The following ITGB5 variants were observed in gnomAD, a reference collection of about 807,000 sequenced individuals.
ITGB5 encodes the protein integrin subunit beta 5.
In ITGB5, 38 loss-of-function variants were observed where a neutral mutation model predicts 84.8. The observed-to-expected ratio is 0.45, with a 90% CI of 0.35 to 0.59. The LOEUF is 0.59. ITGB5 is among the 20% of genes least tolerant of loss of function. The pLI is 0.01. For missense variants in ITGB5, 905 were observed against 1,034.5 expected (o/e 0.87, Z 1.72); for synonymous variants, 393 against 414.4 (o/e 0.95, Z 0.63).
At chr3:124,805,081 C>T (rs1334970554) in intron 9 of ITGB5, among the ~76,000 whole-genome samples, 5 of 147,088 alleles carry the variant, frequency 3.4e-5, no homozygotes, top group East Asian at 2.1e-4. Context: ...CCTTCCTTTC[C>T]GTTTCTTTCT....
chr3:124,837,423 C>G (rs1012054011), intron 5 of ITGB5, among the ~76,000 whole-genome samples: 3 of 152,218 alleles, frequency 2.0e-5, no homozygotes. Flanking sequence ...GTGGCATTCT[C>G]CAACTCCAAC....
intron 2 of ITGB5, among the ~76,000 whole-genome samples, chr3:124,861,495 T>TATATACACAC (rs750712591): frequency 1.3e-3 from 147 of 112,006 alleles, no homozygotes; most frequent in African/African-American, 5.1e-3. Flanking sequence ...TATATATATA[T>TATATACACAC]ACACACACAC....
intron 10 of ITGB5, among the ~76,000 whole-genome samples, chr3:124,775,657 A>T (rs959540682): frequency 1.3e-5 from 2 of 152,218 alleles, no homozygotes; most frequent in Non-Finnish European, 2.9e-5. Flanking sequence ...CCACTCATCA[A>T]CTAGTGGGTG....
upstream of ITGB5, chr3:124,887,686 C>T: frequency 4.4e-6 from 2 of 451,990 alleles, no homozygotes; most frequent in African/African-American, 2.0e-5. Flanking sequence ...GCGGGGCACG[C>T]TGTATTAGGC....
intron 9 of ITGB5, among the ~76,000 whole-genome samples, chr3:124,798,183 G>T (rs1315310625): frequency 1.3e-5 from 2 of 150,348 alleles, no homozygotes; most frequent in Non-Finnish European, 2.9e-5. Flanking sequence ...CTCCAGAGTA[G>T]CTGGGATTAC....
At chr3:124,803,797 T>C (rs891632307) in intron 9 of ITGB5, among the ~76,000 whole-genome samples, 7 of 152,158 alleles carry the variant, frequency 4.6e-5, no homozygotes, top group Admixed American at 4.6e-4. Context: ...TTTGGTAGAA[T>C]AGAATCGTGG....
intron 8 of ITGB5, among the ~76,000 whole-genome samples, chr3:124,817,063 A>T (rs61761668): frequency 0.025 from 3,760 of 152,198 alleles, 177 homozygotes; most frequent in African/African-American, 0.086. Context: ...CTCTATATAT[A>T]TTTTTAAATT....
intron 11 of ITGB5, among the ~76,000 whole-genome samples, chr3:124,770,817 G>A (rs895169643): frequency 1.3e-5 from 2 of 152,158 alleles, no homozygotes; most frequent in Non-Finnish European, 2.9e-5. Flanking sequence ...CCCGGAAGGC[G>A]GGCAGCTGAG....
intron 4 of ITGB5, among the ~76,000 whole-genome samples, chr3:124,843,063 T>C (rs965842045): frequency 1.3e-5 from 2 of 152,208 alleles, no homozygotes; most frequent in South Asian, 2.1e-4. Context: ...TCCCTTCTCC[T>C]TTCCCGAAGT....
At chr3:124,858,742 A>C (rs1486251258) in intron 3 of ITGB5, among the ~76,000 whole-genome samples, 1 of 152,216 alleles carries the variant, frequency 6.6e-6, no homozygotes, top group Non-Finnish European at 1.5e-5. Context: ...GAATGACTGT[A>C]ATTTCTGCCA....
In ITGB5 at chr3:124,821,301, C is replaced by T. The variant is rs745755621; in HGVS notation, c.942+12G>A. The stretch of plus-strand genomic sequence containing the variant: ...GGCAACAGGGAGGGGGGATCTGGTT[C>T]CCGGCACTCACCATCTGGTTGGATG... On this transcript the variant is annotated intron_variant, in intron 6 of 14. Coordinates refer to ENST00000296181, the MANE Select transcript of ITGB5 (RefSeq NM_002213.5). The T allele has an allele frequency of 6.2e-7, 1 of 1,607,402 alleles. No homozygotes were observed. The highest frequency in any genetic ancestry group is 1.3e-5 in the African/African-American group (1 of 74,776).
chr3:124,825,353 C>G (rs1313853608), intron 5 of ITGB5, among the ~76,000 whole-genome samples: 1 of 152,080 alleles, frequency 6.6e-6, no homozygotes, highest in East Asian at 1.9e-4. Context: ...TTGGTATTTA[C>G]CCAAAAGAAA....
At chr3:124,813,174 G>A (rs1339451961) in intron 8 of ITGB5, among the ~76,000 whole-genome samples, 1 of 152,198 alleles carries the variant, frequency 6.6e-6, no homozygotes, top group Admixed American at 6.5e-5. Flanking sequence ...CCAAGTGCAA[G>A]GAGCTTGAAG....
intron 9 of ITGB5, among the ~76,000 whole-genome samples, chr3:124,808,563 C>T (rs556211124): frequency 6.6e-6 from 1 of 152,284 alleles, no homozygotes; most frequent in Non-Finnish European, 1.5e-5. Flanking sequence ...GTAGAGTCAT[C>T]CATTCTATTT....
intron 8 of ITGB5, 112 bp from the exon 9 acceptor site, chr3:124,809,268 G>A: frequency 8.7e-7 from 1 of 1,146,260 alleles, no homozygotes; most frequent in Non-Finnish European, 1.3e-6. Context: ...GGAATCCCAA[G>A]CCAAAGGAAG....
In ITGB5 at chr3:124,865,795, G is replaced by A. The variant is rs556038291; in HGVS notation, c.157-6349C>T. On this transcript the variant is annotated intron_variant, in intron 2 of 14. Coordinates refer to ENST00000296181, the MANE Select transcript of ITGB5 (RefSeq NM_002213.5). ...GAGCCACCATGCCTGGCCTTTTGCTGCTTTTAGTTACTAAGTGGTAATAAT... is the reference window on the plus strand; with the variant it reads ...GAGCCACCATGCCTGGCCTTTTGCTACTTTTAGTTACTAAGTGGTAATAAT... Among the ~76,000 whole-genome samples, 4 of 151,314 alleles carry A rather than the reference G, an allele frequency of 2.6e-5. No individual in the cohort carries two copies. The East Asian group carries it at 7.9e-4, about 30-fold the overall frequency.
chr3:124,897,740 A>G (rs919042019), intron 1 of ITGB5, among the ~76,000 whole-genome samples: 1 of 152,230 alleles, frequency 6.6e-6, no homozygotes, highest in Admixed American at 6.5e-5. Flanking sequence ...CATGTGACAA[A>G]TACTGTTCCA....
Position 124,796,635 on chromosome 3 carries a change from A to AT in ITGB5, c.1445dup (p.Tyr482Ter). The change falls in exon 10 of 15, where the codon TAT (tyrosine) becomes TAAT (stop). Residue 482 changes from tyrosine to a stop codon, truncating the protein, a stop_gained and frameshift_variant. Transcript: ENST00000296181. LOFTEE classifies it high-confidence loss of function. ...GGCTGCACTCACACAGGCCGCAGAC[A>AT]TAGGTCCCGCTCCCGTTGCACCTGG... ...NSARCNGSGT[Y>*]VCGLCECSPG... 6.2e-7 allele frequency: 1 copy of AT among 1,613,990 alleles called. No individual in the cohort carries two copies. Among genetic ancestry groups the AT allele is most frequent in the Non-Finnish European group, 8.5e-7 (1 of 1,179,968 alleles).
chr3:124,813,185 C>T (rs766754771), intron 8 of ITGB5, among the ~76,000 whole-genome samples: 1 of 152,178 alleles, frequency 6.6e-6, no homozygotes, highest in Non-Finnish European at 1.5e-5. Context: ...GAGCTTGAAG[C>T]CCAGCCCAGC....
Sources: allele counts gnomAD v4.1 joint callset (sites outside exome capture counted in the v4.1 genomes callset), GRCh38; gene constraint gnomAD v4.1.1; transcripts MANE v1.5; gene names NCBI Gene and HGNC (gene_info 2026-07-23, HGNC 2026-07-21).